The following RXFP2 variants were observed in gnomAD, a reference collection of about 807,000 sequenced individuals.
RXFP2 encodes the protein relaxin receptor 2.
Under a neutral mutation model 88.6 loss-of-function variants are expected in RXFP2, and 68 were observed. The ratio of observed to expected loss-of-function variants is 0.77; its 90% confidence interval spans 0.63 to 0.94. The LOEUF (loss-of-function observed/expected upper bound fraction) is 0.94. Among genes scored for constraint, RXFP2 ranks in the 40% least tolerant of loss-of-function variants. The pLI is 0.00. For synonymous variants in RXFP2, 329 were observed against 306.8 expected, an observed-to-expected ratio of 1.07 and a Z score of -0.76; for missense variants, 791 against 893.9, an observed-to-expected ratio of 0.88 and a Z score of 1.47.
At chr13:31,777,044 G>A (rs1873020176) in intron 7 of RXFP2, among the ~76,000 whole-genome samples, 2 of 152,160 alleles carry the variant, frequency 1.3e-5, no homozygotes, top group African/African-American at 2.4e-5. Flanking sequence ...AGGCATTTAT[G>A]GAGCCCAAAT....
At chr13:31,783,545 G>C (rs553154700) in intron 11 of RXFP2, among the ~76,000 whole-genome samples, 1 of 152,226 alleles carries the variant, frequency 6.6e-6, no homozygotes, top group Admixed American at 6.5e-5. Context: ...AATAACTCAT[G>C]AATAGTTAAG....
intron 1 of RXFP2, among the ~76,000 whole-genome samples, chr13:31,757,662 G>A (rs1469089204): frequency 6.6e-6 from 1 of 152,184 alleles, no homozygotes; most frequent in Non-Finnish European, 1.5e-5. Flanking sequence ...TTCCAAGGGT[G>A]GATGACTCCT....
At chr13:31,797,469 T>A (rs780264102) in intron 17 of RXFP2, 50 bp downstream of exon 17, 2 of 1,392,704 alleles carry the variant, frequency 1.4e-6, no homozygotes, top group Non-Finnish European at 2.0e-6. Context: ...CCTTCTTACG[T>A]CCTTCTTTTG....
At chr13:31,749,237 A>G (rs1228959891) in intron 1 of RXFP2, among the ~76,000 whole-genome samples, 1 of 152,216 alleles carries the variant, frequency 6.6e-6, no homozygotes, top group Non-Finnish European at 1.5e-5. Flanking sequence ...TCTGTGGTAC[A>G]AATGATTACA....
intron 5 of RXFP2, among the ~76,000 whole-genome samples, chr13:31,768,132 A>G (rs1044254446): frequency 2.0e-5 from 3 of 152,186 alleles, no homozygotes; most frequent in Non-Finnish European, 4.4e-5. Flanking sequence ...TGCCAAGATT[A>G]GCTAGCAATT....
At chr13:31,767,908 G>T (rs773310284) in intron 5 of RXFP2, among the ~76,000 whole-genome samples, 126 of 152,192 alleles carry the variant, frequency 8.3e-4, no homozygotes, top group Non-Finnish European at 1.3e-3. Flanking sequence ...CTGGGGAGGG[G>T]GCGGAGTCAC....
chr13:31,765,136 C>T lies in RXFP2; in HGVS notation c.419C>T (p.Thr140Ile). The T allele has an allele frequency of 3.2e-6, 5 of 1,575,852 alleles. No individual in the cohort carries two copies. The highest frequency in any genetic ancestry group is 4.4e-6 in the Non-Finnish European group (5 of 1,145,554). The change falls in exon 4 of 18, where the codon ACA becomes ATA. Residue 140 changes from threonine to isoleucine, a missense_variant. Coordinates refer to ENST00000298386, the MANE Select transcript of RXFP2 (RefSeq NM_130806.5). Reference protein sequence around the residue: ...KSVPMISNNVTLLSLKKNKIH... With the variant: ...KSVPMISNNVILLSLKKNKIH... The stretch of plus-strand genomic sequence containing the variant: ...GTGCCGATGATTTCTAACAATGTGA[C>T]ATTACTGTGAGTAAAACTTAATTAT...
chr13:31,744,732 T>A (rs1354491491), intron 1 of RXFP2, among the ~76,000 whole-genome samples: 1 of 151,708 alleles, frequency 6.6e-6, no homozygotes, highest in Non-Finnish European at 1.5e-5. Context: ...TTTTTTTCAG[T>A]GACTATATTT....
chr13:31,765,198 G>GA (rs1234017564), intron 4 of RXFP2, 56 bp downstream of exon 4: 13 of 1,082,428 alleles, frequency 1.2e-5, no homozygotes, highest in African/African-American at 1.1e-4. Flanking sequence ...TGAAAACCAA[G>GA]AAAAAACCCA....
At chr13:31,792,112 G>T in intron 15 of RXFP2, 77 bp downstream of exon 15, 1 of 1,078,182 alleles carries the variant, frequency 9.3e-7, no homozygotes. Context: ...TGTATTTATT[G>T]GCTTTCAACA....
rs192384539 is a variant in RXFP2 at position 31,752,035 on chromosome 13, C to A, written c.95-6223C>A. On this transcript the variant is annotated intron_variant, in intron 1 of 17. Coordinates refer to ENST00000298386, the MANE Select transcript of RXFP2 (RefSeq NM_130806.5). ...CCTTCTTCCCTTAAATCCCTTATAA[C>A]CCACCAACAGCCACAGCATTCTGTT... Among the ~76,000 whole-genome samples the A allele has an allele frequency of 1.8e-3, 276 of 152,286 alleles. 1 individual carries two copies. The highest frequency in any genetic ancestry group is 6.5e-3 in the African/African-American group (270 of 41,544).
At chr13:31,744,372 A>C (rs1225981170) in intron 1 of RXFP2, among the ~76,000 whole-genome samples, 1 of 152,178 alleles carries the variant, frequency 6.6e-6, no homozygotes, top group Non-Finnish European at 1.5e-5. Context: ...CTATAGAAAA[A>C]TGTTCATGTG....
At chr13:31,781,638 A>T (rs1356797450) in intron 9 of RXFP2, 33 bp from the exon 10 acceptor site, 1 of 1,486,676 alleles carries the variant, frequency 6.7e-7, no homozygotes, top group African/African-American at 1.4e-5. Context: ...TGTACAAAAA[A>T]TATTAAAAAT....
At chr13:31,801,064 T>C (rs977256904) in intron 17 of RXFP2, among the ~76,000 whole-genome samples, 1 of 150,796 alleles carries the variant, frequency 6.6e-6, no homozygotes, top group Admixed American at 6.6e-5. Flanking sequence ...GAAGAAGACA[T>C]AGAGAGGAAG....
At chr13:31,744,932 G>T (rs1390381623) in intron 1 of RXFP2, among the ~76,000 whole-genome samples, 6 of 152,126 alleles carry the variant, frequency 3.9e-5, no homozygotes, top group Non-Finnish European at 8.8e-5. Context: ...ACTTTGGGAG[G>T]CTGAGGTGGG....
chr13:31,751,309 T>TTA (rs112982983), intron 1 of RXFP2, among the ~76,000 whole-genome samples: 5,622 of 151,434 alleles, frequency 0.037, 253 homozygotes, highest in African/African-American at 0.11. Context: ...TACATATATA[T>TTA]TATATATATA....
chr13:31,755,436 TGA>T (rs1871901521), intron 1 of RXFP2, among the ~76,000 whole-genome samples: 3 of 152,124 alleles, frequency 2.0e-5, no homozygotes, highest in Admixed American at 2.0e-4. Flanking sequence ...TGTGTGGGTG[TGA>T]GAGTGAGTGT....
chr13:31,761,940 G>T, intron 3 of RXFP2, 139 bp downstream of exon 3: 1 of 649,462 alleles, frequency 1.5e-6, no homozygotes, highest in Non-Finnish European at 2.8e-6. Context: ...TAACAGGTCT[G>T]CTGTCTGCCT....
chr13:31,801,388 G>A (rs1874334057), intron 17 of RXFP2, among the ~76,000 whole-genome samples: 2 of 151,964 alleles, frequency 1.3e-5, no homozygotes, highest in South Asian at 4.2e-4. Context: ...CTTTAACAGA[G>A]AGAGCAGATG....
Sources: allele counts gnomAD v4.1 joint callset (sites outside exome capture counted in the v4.1 genomes callset), GRCh38; gene constraint gnomAD v4.1.1; transcripts MANE v1.5; gene names NCBI Gene and HGNC (gene_info 2026-07-23, HGNC 2026-07-21).